The following ASCC3 variants were observed in gnomAD, a reference collection of about 807,000 sequenced individuals.
ASCC3 encodes the protein activating signal cointegrator 1 complex subunit 3, also known as ASC-1 complex subunit P200.
In ASCC3, 158 loss-of-function variants were observed where a neutral mutation model predicts 256.3. The observed-to-expected ratio is 0.62, with a 90% confidence interval of 0.54 to 0.70. The LOEUF (loss-of-function observed/expected upper bound fraction) is 0.70. Ranked by LOEUF, ASCC3 falls within the 30% of genes least tolerant of loss-of-function variation. The pLI, the probability that ASCC3 is intolerant of heterozygous loss-of-function variation, is 0.00. For missense variants in ASCC3, 2,259 were observed against 2,626.0 expected, an observed-to-expected ratio of 0.86 and a Z score of 3.05; for synonymous variants, 948 against 883.4, an observed-to-expected ratio of 1.07 and a Z score of -1.30.
chr6:100,546,537 G>A (rs547502321), intron 36 of ASCC3, among the ~76,000 whole-genome samples: 3 of 152,152 alleles, frequency 2.0e-5, no homozygotes, highest in South Asian at 4.1e-4. Flanking sequence ...CATTAAAAAC[G>A]TGCTTGCATG....
chr6:100,655,740 C>G lies in ASCC3; in HGVS notation c.2782G>C (p.Ala928Pro). The G allele has an allele frequency of 6.2e-7, 1 of 1,611,602 alleles. No homozygotes were observed. The highest frequency in any genetic ancestry group is 2.2e-5 in the East Asian group (1 of 44,756). ...CTGATGCCATATGCTAATGGATTTG[C>G]TCTCATCCGTACATAAAGATAAGTG... Reference protein sequence around the residue: ...SYTYLYVRMRANPLAYGISHK... With the variant: ...SYTYLYVRMRPNPLAYGISHK... The change falls in exon 17 of 42, where the codon GCA becomes CCA. Residue 928 changes from alanine (A) to proline (P), a missense_variant. By Grantham distance (27) the Ala-to-Pro change is conservative. This residue lies in a region of ASCC3 where 1,839 missense variants were observed against 2,206.7 expected (regional missense o/e 0.83). Transcript: ENST00000369162.
chr6:100,843,795 G>C (rs181101564), intron 4 of ASCC3, among the ~76,000 whole-genome samples: 2 of 151,788 alleles, frequency 1.3e-5, no homozygotes, highest in Admixed American at 6.6e-5. Context: ...TTAAGACCTC[G>C]CTTTTAAATA....
chr6:100,824,293 T>C (rs1033358179), intron 4 of ASCC3, among the ~76,000 whole-genome samples: 1 of 152,182 alleles, frequency 6.6e-6, no homozygotes, highest in Non-Finnish European at 1.5e-5. Context: ...TTAAAGCAAA[T>C]AAAACTTACA....
intron 36 of ASCC3, among the ~76,000 whole-genome samples, chr6:100,586,356 T>C (rs576335211): frequency 6.6e-6 from 1 of 152,242 alleles, no homozygotes; most frequent in Non-Finnish European, 1.5e-5. Flanking sequence ...TAGCAATCAG[T>C]GAGACTCCGT....
At chr6:100,802,765 T>C (rs1482812931) in intron 5 of ASCC3, among the ~76,000 whole-genome samples, 1 of 151,922 alleles carries the variant, frequency 6.6e-6, no homozygotes, top group African/African-American at 2.4e-5. Flanking sequence ...TTTGGGGGGC[T>C]GAGGTGGGAG....
chr6:100,706,447 A>T (rs892324355), intron 13 of ASCC3, among the ~76,000 whole-genome samples: 2 of 151,564 alleles, frequency 1.3e-5, no homozygotes, highest in Admixed American at 6.6e-5. Context: ...AGAAAAAAAT[A>T]ATCCTTTACG....
chr6:100,737,940 T>C (rs927888329), intron 10 of ASCC3, among the ~76,000 whole-genome samples: 1 of 152,204 alleles, frequency 6.6e-6, no homozygotes, highest in Non-Finnish European at 1.5e-5. Flanking sequence ...AGATGGTATC[T>C]CATTGTGGTT....
At chr6:100,655,916 T>G in intron 16 of ASCC3, 98 bp from the exon 17 acceptor site, 1 of 1,364,242 alleles carries the variant, frequency 7.3e-7, no homozygotes, top group Non-Finnish European at 1.0e-6. Flanking sequence ...TAAAAATACA[T>G]CATTATGCAG....
Position 100,848,289 on chromosome 6 carries a change from G to A in ASCC3, c.660C>T (p.Gly220=), listed in dbSNP as rs150487496. 54 of 1,614,042 alleles carry A rather than the reference G, an allele frequency of 3.3e-5. No homozygotes were observed. In the African/African-American group the frequency reaches 6.5e-4, roughly 20 times the overall value. ...TTTCAACTTCACACCACAAAAAGGAGCCATTTGTTTTTTCCACAGGCTTGA... is the reference window on the plus strand; with the variant it reads ...TTTCAACTTCACACCACAAAAAGGAACCATTTGTTTTTTCCACAGGCTTGA... ...PELKPVEKTN[G]SFLWCEVEKY... is the part of the protein sequence containing the mutation. The change falls in exon 4 of 42, where the codon GGC becomes GGT. Residue 220 remains glycine (G), a synonymous_variant. Transcript: ENST00000369162.
rs374548063 is a variant in ASCC3, at chr6:100,866,127, G to A, written c.90+1781C>T. Among the ~76,000 whole-genome samples, 7 of 152,080 alleles carry A rather than the reference G, an allele frequency of 4.6e-5. No homozygotes were observed. The East Asian group carries it at 9.7e-4, about 21-fold the overall frequency. Reference sequence around the variant, plus strand: ...TGGGATTACAGGCGCCCACCACCATGCGTGGCTGATTTTTGTACTTTTAGT... The same window carrying A: ...TGGGATTACAGGCGCCCACCACCATACGTGGCTGATTTTTGTACTTTTAGT... On this transcript the variant is annotated intron_variant, in intron 2 of 41. Transcript: ENST00000369162.
intron 18 of ASCC3, among the ~76,000 whole-genome samples, chr6:100,652,174 GC>G (rs1157430100): frequency 6.6e-6 from 1 of 152,066 alleles, no homozygotes; most frequent in Non-Finnish European, 1.5e-5. Context: ...TAAAGTTCCT[GC>G]AAAAGAACAG....
intron 36 of ASCC3, among the ~76,000 whole-genome samples, chr6:100,587,208 G>A (rs922468908): frequency 1.3e-5 from 2 of 151,606 alleles, no homozygotes; most frequent in African/African-American, 4.8e-5. Flanking sequence ...TTTCTCCTTA[G>A]TTTAAAACCA....
intron 8 of ASCC3, among the ~76,000 whole-genome samples, chr6:100,784,004 G>A (rs1472626714): frequency 1.3e-5 from 2 of 152,098 alleles, no homozygotes; most frequent in Non-Finnish European, 2.9e-5. Context: ...AGGATAAATG[G>A]CTAGTAAATT....
At chr6:100,544,408 T>C (rs1230124695) in intron 36 of ASCC3, among the ~76,000 whole-genome samples, 6 of 151,906 alleles carry the variant, frequency 3.9e-5, no homozygotes, top group Non-Finnish European at 8.8e-5. Flanking sequence ...TCAACAACAC[T>C]GATACTCCTC....
At chr6:100,702,779 A>T (rs1451249970) in intron 13 of ASCC3, among the ~76,000 whole-genome samples, 1 of 152,148 alleles carries the variant, frequency 6.6e-6, no homozygotes, top group Non-Finnish European at 1.5e-5. Flanking sequence ...TAATCTATTG[A>T]TTATTTTATT....
At chr6:100,641,978 A>G (rs1210703522) in intron 24 of ASCC3, among the ~76,000 whole-genome samples, 1 of 142,850 alleles carries the variant, frequency 7.0e-6, no homozygotes, top group Non-Finnish European at 1.5e-5. Flanking sequence ...ACACATGGAC[A>G]CAGGAAGGGA....
At chr6:100,585,566 T>G (rs2114761130) in intron 36 of ASCC3, among the ~76,000 whole-genome samples, 1 of 152,350 alleles carries the variant, frequency 6.6e-6, no homozygotes, top group Middle Eastern at 3.4e-3. Context: ...GTCTGAAGAC[T>G]TCTTCTCTCA....
At chr6:100,875,162 G>A (rs1169025102) in intron 1 of ASCC3, among the ~76,000 whole-genome samples, 3 of 129,434 alleles carry the variant, frequency 2.3e-5, no homozygotes, top group Non-Finnish European at 5.6e-5. Flanking sequence ...AAGACAGAGA[G>A]GATAGAATTA....
chr6:100,784,481 C>A (rs1053914968), intron 8 of ASCC3, among the ~76,000 whole-genome samples: 8 of 151,814 alleles, frequency 5.3e-5, no homozygotes, highest in African/African-American at 1.9e-4. Flanking sequence ...AAGAAAAAAA[C>A]AGACACAAGC....
Sources: allele counts gnomAD v4.1 joint callset (sites outside exome capture counted in the v4.1 genomes callset), GRCh38; gene constraint gnomAD v4.1.1; regional missense constraint gnomAD v4.1.1; transcripts MANE v1.5; gene names NCBI Gene and HGNC (gene_info 2026-07-23, HGNC 2026-07-21).